The following LINGO2 variants were observed in gnomAD, a reference collection of about 807,000 sequenced individuals.
LINGO2 encodes leucine-rich repeat and immunoglobulin-like domain-containing nogo receptor-interacting protein 2.
In LINGO2, 14 loss-of-function variants were observed where a neutral mutation model predicts 30.6. The observed-to-expected ratio is 0.46, with a 90% CI of 0.30 to 0.72. The LOEUF is 0.72. Ranked by LOEUF, LINGO2 falls within the 30% of genes least tolerant of loss-of-function variation. The pLI is 0.07. For missense variants in LINGO2, 729 were observed against 751.7 expected (o/e 0.97, Z 0.35); for synonymous variants, 317 against 288.5 (o/e 1.10, Z -1.00).
chr9:29,035,488 C>T, the LINGO2 span, among the ~76,000 whole-genome samples: 1 of 151,454 alleles, frequency 6.6e-6, no homozygotes, highest in East Asian at 2.0e-4. Flanking sequence ...CCTACAGCAG[C>T]ATCTAAGCTG....
the LINGO2 span, among the ~76,000 whole-genome samples, chr9:28,949,954 A>C: frequency 6.6e-6 from 1 of 152,140 alleles, no homozygotes; most frequent in Non-Finnish European, 1.5e-5. Flanking sequence ...CCTGGGATGC[A>C]AGGCTGGTTC....
the LINGO2 span, among the ~76,000 whole-genome samples, chr9:28,817,476 G>T: frequency 2.6e-5 from 4 of 152,144 alleles, no homozygotes; most frequent in Non-Finnish European, 4.4e-5. Context: ...GCTTCTCTCT[G>T]CATGGTGGCT....
intron 1 of LINGO2, among the ~76,000 whole-genome samples, chr9:28,607,872 C>A (rs1224066019): frequency 6.6e-6 from 1 of 151,972 alleles, no homozygotes; most frequent in Non-Finnish European, 1.5e-5. Context: ...AGGAGAAGAA[C>A]CATTCCTCAA....
At chr9:28,348,488 G>A (rs868387100) in intron 3 of LINGO2, among the ~76,000 whole-genome samples, 21 of 152,224 alleles carry the variant, frequency 1.4e-4, no homozygotes, top group African/African-American at 2.6e-4. Flanking sequence ...CACCTGGCTC[G>A]GAGGGTCCAA....
intron 1 of LINGO2, among the ~76,000 whole-genome samples, chr9:28,580,268 T>G (rs1824195005): frequency 6.6e-6 from 1 of 152,054 alleles, no homozygotes; most frequent in African/African-American, 2.4e-5. Flanking sequence ...TTGTATAATT[T>G]TAGTGTCATT....
chr9:29,067,389 T>C, the LINGO2 span, among the ~76,000 whole-genome samples: 1 of 151,688 alleles, frequency 6.6e-6, no homozygotes, highest in African/African-American at 2.4e-5. Flanking sequence ...CATAAAACAT[T>C]GGAACTTTTA....
the LINGO2 span, among the ~76,000 whole-genome samples, chr9:28,741,868 T>C: frequency 6.6e-6 from 1 of 151,648 alleles, no homozygotes; most frequent in Non-Finnish European, 1.5e-5. Flanking sequence ...GGAGTCTAGT[T>C]TGAAGCCTGG....
the LINGO2 span, among the ~76,000 whole-genome samples, chr9:28,793,844 T>C: frequency 3.0e-4 from 46 of 152,226 alleles, no homozygotes; most frequent in African/African-American, 1.0e-3. Flanking sequence ...CTCAATATGA[T>C]CTCCAGGTGA....
the LINGO2 span, among the ~76,000 whole-genome samples, chr9:29,150,565 G>GA: frequency 6.6e-6 from 1 of 152,016 alleles, no homozygotes; most frequent in Non-Finnish European, 1.5e-5. Context: ...GCCATTTTAA[G>GA]AAAAAAAGCA....
the LINGO2 span, among the ~76,000 whole-genome samples, chr9:29,106,236 T>C: frequency 0.19 from 29,430 of 152,032 alleles, 2,950 homozygotes; most frequent in South Asian, 0.25. Flanking sequence ...TAATTGGAAA[T>C]GGTATGCTTG....
the LINGO2 span, among the ~76,000 whole-genome samples, chr9:28,801,741 G>A: frequency 6.6e-6 from 1 of 152,046 alleles, no homozygotes; most frequent in South Asian, 2.1e-4. Flanking sequence ...GTGATACACT[G>A]GAGGATAAGG....
the LINGO2 span, among the ~76,000 whole-genome samples, chr9:28,844,434 G>A: frequency 6.6e-6 from 1 of 151,864 alleles, no homozygotes; most frequent in Non-Finnish European, 1.5e-5. Context: ...GAGCACAGTG[G>A]TTCTGTCAAG....
chr9:28,367,222 C>T (rs574113966), intron 3 of LINGO2, among the ~76,000 whole-genome samples: 1 of 152,308 alleles, frequency 6.6e-6, no homozygotes, highest in Admixed American at 6.5e-5. Context: ...TGTTTCATGA[C>T]TTGCATGATT....
the LINGO2 span, among the ~76,000 whole-genome samples, chr9:28,859,123 T>G: frequency 6.6e-6 from 1 of 152,126 alleles, no homozygotes; most frequent in Non-Finnish European, 1.5e-5. Flanking sequence ...TAGTTGTTTT[T>G]CTGAAGGAGA....
At chr9:28,433,453 A>C (rs1319040124) in intron 2 of LINGO2, among the ~76,000 whole-genome samples, 2 of 152,158 alleles carry the variant, frequency 1.3e-5, no homozygotes, top group African/African-American at 4.8e-5. Flanking sequence ...AGGGACATGC[A>C]AACCAGAAAG....
intron 4 of LINGO2, among the ~76,000 whole-genome samples, chr9:28,055,803 G>A (rs1563948238): frequency 6.6e-6 from 1 of 152,052 alleles, no homozygotes; most frequent in Non-Finnish European, 1.5e-5. Flanking sequence ...GAAGCCTATG[G>A]ATATAGTTTT....
chr9:28,678,165 T>C, the LINGO2 span, among the ~76,000 whole-genome samples: 1 of 151,686 alleles, frequency 6.6e-6, no homozygotes, highest in Non-Finnish European at 1.5e-5. Context: ...AAAAACTTTA[T>C]TTTTTTAATG....
chr9:28,998,933 G>T, the LINGO2 span, among the ~76,000 whole-genome samples: 3 of 152,196 alleles, frequency 2.0e-5, no homozygotes, highest in South Asian at 6.2e-4. Flanking sequence ...ATTTTAGAAT[G>T]TATTTAAAAT....
At chr9:28,931,656 C>G in the LINGO2 span, among the ~76,000 whole-genome samples, 1 of 152,106 alleles carries the variant, frequency 6.6e-6, no homozygotes, top group Admixed American at 6.5e-5. Flanking sequence ...AATTGCTTTA[C>G]AACTTTTTGA....
Sources: gnomAD v4.1 joint callset for allele counts (sites outside exome capture counted in the v4.1 genomes callset) on GRCh38, gnomAD v4.1.1 for gene constraint, MANE v1.5 for transcripts, NCBI Gene and HGNC (gene_info 2026-07-23, HGNC 2026-07-21) for gene names.